SUGCT: variants seen among roughly 807,000 people sequenced by gnomAD.
SUGCT encodes succinyl-CoA:glutarate CoA-transferase.
In SUGCT, 41 loss-of-function variants were observed where a neutral mutation model predicts 55.0. The ratio of observed to expected loss-of-function variants is 0.74; its 90% CI spans 0.58 to 0.97. The LOEUF (loss-of-function observed/expected upper bound fraction) is 0.97, where lower values mean the gene tolerates loss of function less well. Ranked by LOEUF, SUGCT falls within the 50% of genes least tolerant of loss-of-function variation. The pLI, the probability that SUGCT is intolerant of heterozygous loss-of-function variation, is 0.00. For missense variants in SUGCT, 568 were observed against 547.8 expected (o/e 1.04, Z -0.37); for synonymous variants, 187 against 200.4 (o/e 0.93, Z 0.56).
At chr7:41,024,776 T>C in the SUGCT span, among the ~76,000 whole-genome samples, 2 of 151,708 alleles carry the variant, frequency 1.3e-5, no homozygotes, top group Non-Finnish European at 2.9e-5. Context: ...CCTGAGTGGA[T>C]ATTGTCAAAC....
chr7:40,454,769 C>T (rs1789385913), intron 10 of SUGCT, among the ~76,000 whole-genome samples: 1 of 152,076 alleles, frequency 6.6e-6, no homozygotes, highest in African/African-American at 2.4e-5. Flanking sequence ...TAGAAATATC[C>T]TTAAGAAATG....
At chr7:40,326,915 A>G (rs925432639) in intron 9 of SUGCT, among the ~76,000 whole-genome samples, 9 of 152,236 alleles carry the variant, frequency 5.9e-5, no homozygotes, top group African/African-American at 1.7e-4. Context: ...AGTGAAGGAA[A>G]TAGAATATTT....
At chr7:40,750,489 C>T (rs987915241) in intron 13 of SUGCT, among the ~76,000 whole-genome samples, 10 of 152,232 alleles carry the variant, frequency 6.6e-5, no homozygotes, top group African/African-American at 2.4e-4. Flanking sequence ...CTTCAGTCAC[C>T]TCAGTCAGGT....
intron 9 of SUGCT, among the ~76,000 whole-genome samples, chr7:40,415,777 GGAATA>G (rs1786967740): frequency 6.6e-6 from 1 of 151,890 alleles, no homozygotes; most frequent in African/African-American, 2.4e-5. Flanking sequence ...AATTCTACAT[GGAATA>G]TATTAATTAC....
rs757869996 is a variant in SUGCT at position 40,657,829 on chromosome 7, C to T, written c.1090-91605C>T. Among the ~76,000 whole-genome samples, 8 of 152,276 alleles carry T rather than the reference C, an allele frequency of 5.3e-5. No homozygotes were observed. In the East Asian group the frequency reaches 7.7e-4, roughly 15 times the overall value. On this transcript the variant is annotated intron_variant, in intron 12 of 13. Transcript: ENST00000335693. ...AATTACAGGCCTGAGCCACTGCGCC[C>T]GGCCATGAAGTAGATTTTATAATCC...
chr7:40,324,167 G>C (rs1239647723), intron 9 of SUGCT, among the ~76,000 whole-genome samples: 1 of 150,682 alleles, frequency 6.6e-6, no homozygotes, highest in Non-Finnish European at 1.5e-5. Context: ...TAAGGGCATT[G>C]CATCTGCATT....
At chr7:40,594,752 AT>A (rs1400920404) in intron 12 of SUGCT, among the ~76,000 whole-genome samples, 1 of 152,188 alleles carries the variant, frequency 6.6e-6, no homozygotes, top group African/African-American at 2.4e-5. Context: ...TCATTGGTGA[AT>A]TTCCCAAATC....
At chr7:40,225,886 A>G (rs1322043538) in intron 6 of SUGCT, among the ~76,000 whole-genome samples, 1 of 152,200 alleles carries the variant, frequency 6.6e-6, no homozygotes. Context: ...CAATTTTCTC[A>G]ATAATAATTA....
intron 12 of SUGCT, among the ~76,000 whole-genome samples, chr7:40,595,401 GAGAGTCGAAT>G (rs1230366290): frequency 6.6e-6 from 1 of 152,152 alleles, no homozygotes; most frequent in African/African-American, 2.4e-5. Flanking sequence ...GAGCAGAGAA[GAGAGTCGAAT>G]AGAGTCAGTG....
At chr7:40,572,258 A>G (rs1419375906) in intron 12 of SUGCT, among the ~76,000 whole-genome samples, 1 of 152,128 alleles carries the variant, frequency 6.6e-6, no homozygotes, top group East Asian at 1.9e-4. Flanking sequence ...TTCAGGGGGG[A>G]AAAAGAAAAT....
At chr7:40,756,832 G>A (rs866379980) in intron 13 of SUGCT, among the ~76,000 whole-genome samples, 1 of 152,162 alleles carries the variant, frequency 6.6e-6, no homozygotes, top group Admixed American at 6.5e-5. Context: ...CATGTTGTGC[G>A]TAGTGCATAA....
the SUGCT span, among the ~76,000 whole-genome samples, chr7:40,944,100 A>G: frequency 6.6e-6 from 1 of 152,014 alleles, no homozygotes; most frequent in South Asian, 2.1e-4. Context: ...GTCTGTTCAT[A>G]TCCTTTGTGC....
chr7:40,271,659 A>G (rs1792025553), intron 7 of SUGCT, among the ~76,000 whole-genome samples: 1 of 152,108 alleles, frequency 6.6e-6, no homozygotes, highest in Non-Finnish European at 1.5e-5. Context: ...CACCTTAAAT[A>G]TTTACCATTT....
At chr7:40,145,490 A>G (rs1285270939) in intron 1 of SUGCT, among the ~76,000 whole-genome samples, 2 of 151,896 alleles carry the variant, frequency 1.3e-5, no homozygotes, top group African/African-American at 4.8e-5. Context: ...ATTCGTTTTT[A>G]CATAAATTCT....
At chr7:40,529,626 C>T (rs1793981700) in intron 12 of SUGCT, among the ~76,000 whole-genome samples, 1 of 152,210 alleles carries the variant, frequency 6.6e-6, no homozygotes, top group South Asian at 2.1e-4. Flanking sequence ...CATTCAGGAA[C>T]ACCCTCTTGG....
chr7:40,196,797 C>T (rs546628869), intron 6 of SUGCT, among the ~76,000 whole-genome samples: 2 of 152,170 alleles, frequency 1.3e-5, no homozygotes, highest in African/African-American at 2.4e-5. Flanking sequence ...CCCAGTTCCA[C>T]CTGTAATGCA....
intron 8 of SUGCT, among the ~76,000 whole-genome samples, chr7:40,309,548 G>T (rs986095057): frequency 6.6e-6 from 1 of 152,070 alleles, no homozygotes; most frequent in Non-Finnish European, 1.5e-5. Flanking sequence ...ACCTGCCTTG[G>T]CCTCCAAAAG....
At chr7:40,383,244 AT>A (rs1347818565) in intron 9 of SUGCT, among the ~76,000 whole-genome samples, 1 of 152,204 alleles carries the variant, frequency 6.6e-6, no homozygotes, top group Non-Finnish European at 1.5e-5. Flanking sequence ...ACATCTATGT[AT>A]TAGTAATGGC....
chr7:40,972,913 T>C, the SUGCT span, among the ~76,000 whole-genome samples: 1 of 152,220 alleles, frequency 6.6e-6, no homozygotes, highest in East Asian at 1.9e-4. Flanking sequence ...AACTTGCTCC[T>C]GCAGGTTTGC....
Sources: gnomAD v4.1 joint callset for allele counts (sites outside exome capture counted in the v4.1 genomes callset) on GRCh38, gnomAD v4.1.1 for gene constraint, MANE v1.5 for transcripts, NCBI Gene and HGNC (gene_info 2026-07-23, HGNC 2026-07-21) for gene names.